Variants in CACNA1B observed in about 807,000 individuals in gnomAD.
The protein encoded by CACNA1B is voltage-dependent N-type calcium channel subunit alpha-1B.
Under a neutral mutation model 247.2 loss-of-function variants are expected in CACNA1B, and 70 were observed. The ratio of observed to expected loss-of-function variants is 0.28; its 90% CI spans 0.23 to 0.35. The LOEUF (loss-of-function observed/expected upper bound fraction) is 0.35. CACNA1B is among the 10% of genes least tolerant of loss of function. CACNA1B has a pLI of 1.00. For synonymous variants in CACNA1B, 1,231 were observed against 1,294.4 expected (o/e 0.95, Z 1.05); for missense variants, 2,367 against 3,197.4 (o/e 0.74, Z 6.26).
intron 16 of CACNA1B, among the ~76,000 whole-genome samples, chr9:138,008,113 G>A (rs1163903126): frequency 6.6e-6 from 1 of 152,226 alleles, no homozygotes; most frequent in Non-Finnish European, 1.5e-5. Context: ...GGGCTCCAGA[G>A]AGCCTGAGGG....
chr9:137,953,362 C>A (rs1051432483), intron 7 of CACNA1B, among the ~76,000 whole-genome samples: 39 of 152,212 alleles, frequency 2.6e-4, no homozygotes, highest in Admixed American at 2.3e-3. Flanking sequence ...CGGCTCCGAG[C>A]CAGGCTGGGG....
rs1020580237 is a variant in CACNA1B at position 138,096,604 on chromosome 9, G to A, written c.5215G>A (p.Ala1739Thr). ...CCGGGTCTGGGCTGAATACGACCCG[G>A]CTGCGTGGTAAGTGAGCCGTGGTGC... is the stretch of plus-strand genomic sequence containing the variant. ...FIRVWAEYDP[A>T]ACGRISYNDM... is the part of the protein sequence containing the mutation. The change falls in exon 37 of 47, where the codon GCT becomes ACT. Residue 1739 changes from alanine to threonine, a missense_variant. This residue lies in a region of CACNA1B where 55 missense variants were observed against 107.8 expected (regional missense o/e 0.51). Transcript: ENST00000371372. 1 of 1,611,754 alleles carries A rather than the reference G, an allele frequency of 6.2e-7. No individual in the cohort carries two copies. The highest frequency in any genetic ancestry group is 8.5e-7 in the Non-Finnish European group (1 of 1,178,896).
chr9:137,978,405 C>G (rs1487961531), intron 12 of CACNA1B, among the ~76,000 whole-genome samples: 3 of 148,794 alleles, frequency 2.0e-5, no homozygotes, highest in Non-Finnish European at 3.0e-5. Context: ...ACCCTGCCCC[C>G]CCCAGGAAGG....
At chr9:138,106,366 G>C (rs1363215986) in intron 39 of CACNA1B, among the ~76,000 whole-genome samples, 1 of 149,808 alleles carries the variant, frequency 6.7e-6, no homozygotes, top group South Asian at 2.1e-4. Flanking sequence ...TGTGTGCCAA[G>C]CCTCACTTAC....
At chr9:138,077,692 A>G (rs1231945659) in intron 35 of CACNA1B, among the ~76,000 whole-genome samples, 3 of 152,186 alleles carry the variant, frequency 2.0e-5, no homozygotes, top group Admixed American at 6.5e-5. Flanking sequence ...TTGAAGGCAG[A>G]TGATCTGATG....
In CACNA1B at chr9:137,923,282, G is replaced by T. The variant is rs1297390018; in HGVS notation, c.966+5851G>T. Among the ~76,000 whole-genome samples, 976 of 144,216 alleles carry T rather than the reference G, an allele frequency of 6.8e-3. 33 individuals carry two copies. The highest frequency in any genetic ancestry group is 0.025 in the African/African-American group (933 of 37,602). 94.6% of individuals were successfully genotyped at this position (144,216 alleles called of 152,430 possible). Reference sequence around the variant, plus strand: ...GTGGTGCCAGGTGGTATTCCATGGTGCCAGGTGGTATTCCATGGTGCCAGG... The same window carrying T: ...GTGGTGCCAGGTGGTATTCCATGGTTCCAGGTGGTATTCCATGGTGCCAGG... On this transcript the variant is annotated intron_variant, in intron 6 of 46. Coordinates refer to ENST00000371372, the MANE Select transcript of CACNA1B (RefSeq NM_000718.4).
At chr9:137,907,389 G>A (rs1957310984) in intron 3 of CACNA1B, among the ~76,000 whole-genome samples, 1 of 152,122 alleles carries the variant, frequency 6.6e-6, no homozygotes, top group Non-Finnish European at 1.5e-5. Context: ...GGTTAGAAGT[G>A]GTTTCCTGAA....
Position 138,054,201 on chromosome 9 carries a change from C to G in CACNA1B, c.3968+195C>G, listed in dbSNP as rs1959408335. Among the ~76,000 whole-genome samples, 1 of 152,158 alleles carries G rather than the reference C, an allele frequency of 6.6e-6. No individual in the cohort carries two copies. The highest frequency in any genetic ancestry group is 2.4e-5 in the African/African-American group (1 of 41,438). ...GTCACCACAGAAGACAGGATGCATC[C>G]CCTCCCCAGCACCACACCAGGGACC... is the stretch of plus-strand genomic sequence containing the variant. On this transcript the variant is annotated intron_variant, in intron 26 of 46. Coordinates refer to ENST00000371372, the MANE Select transcript of CACNA1B (RefSeq NM_000718.4). This position sits in a 1 kb window ranked among gnomAD's most constrained non-coding sequence, Gnocchi z 4.6.
intron 6 of CACNA1B, among the ~76,000 whole-genome samples, chr9:137,944,368 A>C (rs1479249472): frequency 1.3e-5 from 2 of 152,092 alleles, no homozygotes; most frequent in Non-Finnish European, 2.9e-5. Context: ...ACCTTATCAT[A>C]ATTTACTGCC....
At chr9:137,886,096 G>C (rs1281843983) in intron 3 of CACNA1B, among the ~76,000 whole-genome samples, 5 of 151,626 alleles carry the variant, frequency 3.3e-5, no homozygotes, top group African/African-American at 1.2e-4. Context: ...CGTCTCCTGT[G>C]GTCGTCTGAG....
chr9:137,904,595 T>G (rs1272538811), intron 3 of CACNA1B, among the ~76,000 whole-genome samples: 2 of 151,946 alleles, frequency 1.3e-5, no homozygotes, highest in Non-Finnish European at 2.9e-5. Context: ...CTTTAACTCC[T>G]GGGCTCAGGC....
intron 15 of CACNA1B, among the ~76,000 whole-genome samples, chr9:137,994,534 A>C (rs1958473602): frequency 6.6e-6 from 1 of 152,262 alleles, no homozygotes; most frequent in African/African-American, 2.4e-5. Flanking sequence ...TACACAAATC[A>C]GTAGCTCTTT....
At chr9:138,005,308 T>G (rs1308825570) in intron 15 of CACNA1B, among the ~76,000 whole-genome samples, 2 of 152,264 alleles carry the variant, frequency 1.3e-5, no homozygotes, top group Non-Finnish European at 2.9e-5. Context: ...TCCTGTCATT[T>G]GCAGCAACAT....
intron 6 of CACNA1B, among the ~76,000 whole-genome samples, chr9:137,926,270 A>C (rs1323081707): frequency 6.6e-6 from 1 of 151,672 alleles, no homozygotes; most frequent in East Asian, 1.9e-4. Flanking sequence ...GGGTTTCACT[A>C]TCTTGGCCAG....
At chr9:138,036,361 G>C (rs1222040107) in intron 20 of CACNA1B, among the ~76,000 whole-genome samples, 1 of 152,108 alleles carries the variant, frequency 6.6e-6, no homozygotes, top group Non-Finnish European at 1.5e-5. Context: ...AGATGGTCTC[G>C]ATCTCCTGAC....
intron 15 of CACNA1B, among the ~76,000 whole-genome samples, chr9:137,998,111 G>A (rs1178385447): frequency 6.6e-6 from 1 of 152,204 alleles, no homozygotes. Flanking sequence ...TGGTGGTGGG[G>A]TGGGGGTTGC....
At chr9:137,967,198 G>A (rs550573356) in intron 10 of CACNA1B, among the ~76,000 whole-genome samples, 8 of 151,940 alleles carry the variant, frequency 5.3e-5, no homozygotes, top group Non-Finnish European at 1.0e-4. Context: ...AATTGTCAAC[G>A]TACCTCTTTA....
chr9:138,096,000 C>A (rs74693494), intron 36 of CACNA1B, among the ~76,000 whole-genome samples: 1 of 152,072 alleles, frequency 6.6e-6, no homozygotes, highest in East Asian at 1.9e-4. Context: ...TCTTCGGGAA[C>A]GACGAAAAAA....
Position 138,040,481 on chromosome 9 carries a change from C to CATATAT in CACNA1B, c.3287-3283_3287-3278dup, listed in dbSNP as rs146996665. The stretch of plus-strand genomic sequence containing the variant: ...ATATATATATGTATCTCCTATATAT[C>CATATAT]ATATATATATATATAAATGATATAT... On this transcript the variant is annotated intron_variant, in intron 20 of 46. Coordinates refer to ENST00000371372, the MANE Select transcript of CACNA1B (RefSeq NM_000718.4). 1.9e-3 allele frequency: 408 copies of CATATAT among 210,314 alleles called. 2 individuals carry two copies. The highest frequency in any genetic ancestry group is 9.5e-3 in the African/African-American group (387 of 40,714). The allele number at this position is 210,314 out of a possible 1,614,324, so 13.0% of individuals were successfully genotyped here.
Sources: allele counts gnomAD v4.1 joint callset (sites outside exome capture counted in the v4.1 genomes callset), GRCh38; gene constraint gnomAD v4.1.1; regional missense constraint gnomAD v4.1.1; non-coding constraint Gnocchi (gnomAD v3.1); transcripts MANE v1.5; gene names NCBI Gene and HGNC (gene_info 2026-07-23, HGNC 2026-07-21).